GK: variants seen among roughly 807,000 people sequenced by gnomAD.
GK encodes the protein ATP:glycerol 3-phosphotransferase.
In GK, 9 loss-of-function variants were observed where a neutral mutation model predicts 56.4. The observed-to-expected ratio is 0.16, with a 90% CI of 0.10 to 0.28. The LOEUF is 0.28. Among genes scored for constraint, GK ranks in the 10% least tolerant of loss-of-function variants. The pLI is 1.00. For synonymous variants in GK, 104 were observed against 144.1 expected, an observed-to-expected ratio of 0.72 and a Z score of 1.99; for missense variants, 161 against 431.4, an observed-to-expected ratio of 0.37 and a Z score of 5.55.
intron 1 of GK, among the ~76,000 whole-genome samples, chrX:30,664,108 GATATATATTTTATATA>G (rs1932898953): frequency 2.5e-5 from 1 of 40,793 alleles, no homozygotes; most frequent in Non-Finnish European, 4.6e-5. Flanking sequence ...ATATTTTATA[GATATATATTTTATATA>G]GATCTATATA....
At chrX:30,669,649 G>T (rs1933345174) in intron 3 of GK, among the ~76,000 whole-genome samples, 1 of 111,474 alleles carries the variant, frequency 9.0e-6, no homozygotes, top group Non-Finnish European at 1.9e-5. Context: ...ACCATTCAAG[G>T]GCTCTTTTTT....
At chrX:30,693,314 C>T (rs775914282) in intron 5 of GK, among the ~76,000 whole-genome samples, 2 of 110,898 alleles carry the variant, frequency 1.8e-5, no homozygotes, top group South Asian at 3.8e-4. Context: ...CCACGCCTGG[C>T]GTATTTTCTT....
At chrX:30,711,773 G>A (rs1263006544) in intron 13 of GK, among the ~76,000 whole-genome samples, 4 of 111,520 alleles carry the variant, frequency 3.6e-5, no homozygotes, top group African/African-American at 1.3e-4. Context: ...AAATATCAAT[G>A]TACAACTTGA....
Position 30,720,869 on chromosome X carries a change from G to A in GK, c.1375G>A (p.Glu459Lys), listed in dbSNP as rs1280851281. 8.3e-7 allele frequency: 1 copy of A among 1,211,875 alleles called. No individual in the cohort carries two copies. Among genetic ancestry groups the A allele is most frequent in the Admixed American group, 2.2e-5 (1 of 46,105 alleles). ...YIPVVKPSMP[E>K]TTALGAAMAA... ...CTCCTCAGTGAAGCCCTCAATGCCC[G>A]AAACCACTGCACTGGGTGCGGCTAT... The change falls in exon 18 of 21, where the codon GAA becomes AAA. Residue 459 changes from glutamate to lysine, a missense_variant. Transcript: ENST00000427190.
At chrX:30,705,933 A>G (rs1374787106) in intron 11 of GK, among the ~76,000 whole-genome samples, 3 of 112,504 alleles carry the variant, frequency 2.7e-5, no homozygotes, top group Non-Finnish European at 5.6e-5. Context: ...TATAGTGTTT[A>G]TATGGATGCT....
chrX:30,717,883 G>A (rs752716702), intron 13 of GK, among the ~76,000 whole-genome samples: 10 of 111,023 alleles, frequency 9.0e-5, no homozygotes, highest in Non-Finnish European at 1.5e-4. Context: ...AAGAAATGGA[G>A]GCTCAGAAAG....
chrX:30,700,145 T>TACTA (rs777775406), intron 9 of GK: 48 of 318,849 alleles, frequency 1.5e-4, no homozygotes, highest in African/African-American at 1.2e-3. Context: ...AGTAGATTAA[T>TACTA]ACTAACTAAC....
chrX:30,676,941 GT>G (rs1329248199), intron 3 of GK, among the ~76,000 whole-genome samples: 5 of 110,501 alleles, frequency 4.5e-5, no homozygotes, highest in African/African-American at 1.7e-4. Flanking sequence ...GCATGTACAT[GT>G]GCACACACAC....
In GK at chrX:30,728,718, G is replaced by A. The variant is rs773485080; in HGVS notation, c.1670-14G>A. The A allele has an allele frequency of 1.1e-5, 13 of 1,135,312 alleles. No homozygotes were observed. The highest frequency in any genetic ancestry group is 1.6e-5 in the Non-Finnish European group (13 of 828,065). The allele number at this position is 1,135,312 out of a possible 1,213,427, so 93.6% of individuals were successfully genotyped here. On this transcript the variant is annotated splice_polypyrimidine_tract_variant and intron_variant, in intron 20 of 20. Transcript: ENST00000427190. The stretch of plus-strand genomic sequence containing the variant: ...TGTATTATTGACATATATGGTTTTT[G>A]TTCCCCATTTCAGGTATTCCATAAA...
At chrX:30,699,853 T>A (rs751508805) in intron 9 of GK, 2 of 112,014 alleles carry the variant, frequency 1.8e-5, no homozygotes, top group African/African-American at 6.5e-5. Context: ...TAACTGTTGC[T>A]TATCTAAATT....
At chrX:30,696,885 T>C in intron 8 of GK, 1 of 427,854 alleles carries the variant, frequency 2.3e-6, no homozygotes, top group South Asian at 3.4e-5. Context: ...TTGGTTTTTC[T>C]TTGAGTATTA....
intron 1 of GK, among the ~76,000 whole-genome samples, chrX:30,654,941 T>A (rs1255355182): frequency 1.8e-5 from 2 of 111,863 alleles, no homozygotes; most frequent in Non-Finnish European, 3.8e-5. Flanking sequence ...CACATATGTG[T>A]ATATTTATAC....
chrX:30,667,996 C>T lies in GK; in HGVS notation c.153-16C>T, dbSNP rs1933198131. 1.1e-6 allele frequency: 1 copy of T among 883,635 alleles called. No individual in the cohort carries two copies. The highest frequency in any genetic ancestry group is 1.9e-5 in the African/African-American group (1 of 51,389). The allele number at this position is 883,635 out of a possible 1,213,427, so 72.8% of individuals were successfully genotyped here. On this transcript the variant is annotated splice_polypyrimidine_tract_variant and intron_variant, in intron 2 of 20. Transcript: ENST00000427190. ...TGTTGCTTTCTTACTAACCAAATGC[C>T]TTCTTTTGTTCAAAGATGGGTGGAA...
chrX:30,679,240 T>C (rs1934134084), intron 4 of GK, among the ~76,000 whole-genome samples: 1 of 108,906 alleles, frequency 9.2e-6, no homozygotes, highest in African/African-American at 3.3e-5. Context: ...TTTTTTCTTT[T>C]TTTGAGACAG....
chrX:30,683,334 G>A lies in GK; in HGVS notation c.337+5882G>A, dbSNP rs779308888. Among the ~76,000 whole-genome samples, 3 of 111,155 alleles carry A rather than the reference G, an allele frequency of 2.7e-5. No individual in the cohort carries two copies. In the South Asian group the frequency reaches 1.1e-3, roughly 42 times the overall value. The stretch of plus-strand genomic sequence containing the variant: ...GCCTCCCAAAGTGCTGGGATTACAG[G>A]TGTGAGCCACCATACCCGGCCAGAT... On this transcript the variant is annotated intron_variant, in intron 4 of 20. Transcript: ENST00000427190.
intron 3 of GK, among the ~76,000 whole-genome samples, chrX:30,671,181 C>G (rs1933466912): frequency 9.5e-6 from 1 of 105,157 alleles, no homozygotes; most frequent in African/African-American, 3.5e-5. Context: ...ATCCCAGCTA[C>G]TTAGGAGGCT....
intron 13 of GK, among the ~76,000 whole-genome samples, chrX:30,712,851 A>C (rs1216220754): frequency 2.8e-5 from 3 of 105,566 alleles, no homozygotes; most frequent in African/African-American, 7.0e-5. Context: ...CAGCCTCCCG[A>C]GTAGCTGGGA....
chrX:30,695,907 A>G (rs1935213266), intron 6 of GK, 135 bp from the exon 7 acceptor site: 1 of 494,591 alleles, frequency 2.0e-6, no homozygotes, highest in Admixed American at 2.8e-5. Flanking sequence ...AAGACTTAGT[A>G]CAGAAAAAAG....
intron 4 of GK, among the ~76,000 whole-genome samples, chrX:30,687,849 T>C (rs1232772189): frequency 8.9e-6 from 1 of 112,337 alleles, no homozygotes; most frequent in East Asian, 2.8e-4. Context: ...ATTTTTTTGT[T>C]CTTAATTCAA....
Sources: gnomAD v4.1 joint callset for allele counts (sites outside exome capture counted in the v4.1 genomes callset) on GRCh38, gnomAD v4.1.1 for gene constraint, MANE v1.5 for transcripts, NCBI Gene and HGNC (gene_info 2026-07-23, HGNC 2026-07-21) for gene names.